Variants in MTUS2 observed in about 807,000 individuals in gnomAD.
The protein encoded by MTUS2 is microtubule associated scaffold protein 2.
A neutral mutation model predicts 114.1 loss-of-function variants in MTUS2; 40 were observed. The observed-to-expected ratio is 0.35, with a 90% CI of 0.27 to 0.46. The LOEUF is 0.46. Among genes scored for constraint, MTUS2 ranks in the 20% least tolerant of loss-of-function variants. MTUS2 has a pLI of 1.00. For synonymous variants in MTUS2, 688 were observed against 672.0 expected, an observed-to-expected ratio of 1.02 and a Z score of -0.37; for missense variants, 1,679 against 1,705.4, an observed-to-expected ratio of 0.98 and a Z score of 0.27.
rs950466161 is a variant in MTUS2 at position 28,908,871 on chromosome 13, A to G, written c.-243+69021A>G. Among the ~76,000 whole-genome samples the G allele has an allele frequency of 4.6e-5, 7 of 151,522 alleles. 1 individual carries two copies. Among genetic ancestry groups the G allele is most frequent in the Non-Finnish European group, 7.4e-5 (5 of 67,920 alleles). The stretch of plus-strand genomic sequence containing the variant: ...CATCTTGAATTAATTTTTGTATAAG[A>G]TATAAGGAAGGGACCCAGTTTCAGC... On this transcript the variant is annotated intron_variant, in intron 2 of 15. Coordinates refer to ENST00000612955, the MANE Select transcript of MTUS2 (RefSeq NM_001033602.4).
intron 2 of MTUS2, among the ~76,000 whole-genome samples, chr13:29,015,838 T>C (rs868649528): frequency 2.0e-5 from 3 of 152,170 alleles, no homozygotes; most frequent in South Asian, 2.1e-4. Flanking sequence ...ATTCCATGTG[T>C]ATAAAAACAA....
chr13:28,900,591 T>C (rs760006685), intron 2 of MTUS2, among the ~76,000 whole-genome samples: 5 of 152,218 alleles, frequency 3.3e-5, no homozygotes, highest in Non-Finnish European at 7.3e-5. Flanking sequence ...TTCTGAACAT[T>C]ATTCCAAGTT....
At chr13:29,354,897 G>A (rs1459060457) in intron 7 of MTUS2, among the ~76,000 whole-genome samples, 1 of 152,228 alleles carries the variant, frequency 6.6e-6, no homozygotes, top group Non-Finnish European at 1.5e-5. Context: ...ACTCCCTAGA[G>A]TGTCCTGCTG....
chr13:28,947,515 A>C (rs191169250), intron 2 of MTUS2, among the ~76,000 whole-genome samples: 5 of 152,196 alleles, frequency 3.3e-5, no homozygotes, highest in Non-Finnish European at 5.9e-5. Flanking sequence ...CAAAGTGTCT[A>C]CCAAAGCCAC....
chr13:28,878,403 G>T (rs141912301), intron 2 of MTUS2, among the ~76,000 whole-genome samples: 1 of 152,148 alleles, frequency 6.6e-6, no homozygotes, highest in African/African-American at 2.4e-5. Context: ...AACATGTGCC[G>T]TGGTGGTTTG....
chr13:29,060,151 C>A (rs913314061), intron 4 of MTUS2, among the ~76,000 whole-genome samples: 8 of 152,200 alleles, frequency 5.3e-5, no homozygotes, highest in African/African-American at 1.9e-4. Context: ...CTTACTGCTC[C>A]CAAGCACCAT....
intron 5 of MTUS2, among the ~76,000 whole-genome samples, chr13:29,183,253 T>TGAGAGA (rs60832110): frequency 6.8e-6 from 1 of 147,260 alleles, no homozygotes; most frequent in Non-Finnish European, 1.5e-5. Context: ...GATGTTGGGG[T>TGAGAGA]GAGAGAGAGA....
rs74530213 is a variant in MTUS2 at position 28,893,154 on chromosome 13, G to A, written c.-243+53304G>A. On this transcript the variant is annotated intron_variant, in intron 2 of 15. Coordinates refer to ENST00000612955, the MANE Select transcript of MTUS2 (RefSeq NM_001033602.4). ...TTTGGACTTTCTTCTTTAGGTAGAC[G>A]GGAGCCAGTGAGATTTTTGAGCATG... Among the ~76,000 whole-genome samples the A allele has an allele frequency of 6.5e-3, 985 of 152,262 alleles. 8 individuals carry two copies. The highest frequency in any genetic ancestry group is 0.023 in the African/African-American group (952 of 41,566).
chr13:28,857,464 C>T (rs1376172077), intron 2 of MTUS2, among the ~76,000 whole-genome samples: 1 of 152,052 alleles, frequency 6.6e-6, no homozygotes, highest in Non-Finnish European at 1.5e-5. Context: ...ATACTGCACA[C>T]GTGGAGTGGG....
intron 11 of MTUS2, among the ~76,000 whole-genome samples, chr13:29,491,619 G>A (rs1882095408): frequency 6.7e-6 from 1 of 149,736 alleles, no homozygotes; most frequent in East Asian, 2.0e-4. Flanking sequence ...CATATAGTGT[G>A]TGTATGTGAT....
intron 4 of MTUS2, among the ~76,000 whole-genome samples, chr13:29,078,008 A>G (rs1438335391): frequency 6.6e-6 from 1 of 152,224 alleles, no homozygotes; most frequent in African/African-American, 2.4e-5. Flanking sequence ...ATCTTTTAAA[A>G]GAAAAATGAT....
chr13:29,232,845 T>C (rs1408371587), intron 5 of MTUS2, among the ~76,000 whole-genome samples: 1 of 152,206 alleles, frequency 6.6e-6, no homozygotes, highest in Non-Finnish European at 1.5e-5. Context: ...AGGAGAAATG[T>C]CTGTATTAAA....
intron 5 of MTUS2, among the ~76,000 whole-genome samples, chr13:29,142,093 C>T (rs9579294): frequency 0.39 from 59,357 of 151,804 alleles, 13,715 homozygotes; most frequent in Non-Finnish European, 0.48. Flanking sequence ...ATCTCCTGAC[C>T]TCATGATCCG....
intron 1 of MTUS2, among the ~76,000 whole-genome samples, chr13:28,830,103 TAAAC>T (rs945756773): frequency 3.3e-5 from 5 of 152,160 alleles, no homozygotes; most frequent in African/African-American, 7.2e-5. Context: ...CTGCACATGA[TAAAC>T]AAAGTAGACT....
chr13:29,268,387 G>A (rs116434614), intron 5 of MTUS2, among the ~76,000 whole-genome samples: 5,093 of 152,288 alleles, frequency 0.033, 86 homozygotes, highest in South Asian at 0.049. Flanking sequence ...GGGTCAAGCC[G>A]TGTCCCTCCA....
intron 5 of MTUS2, among the ~76,000 whole-genome samples, chr13:29,216,065 A>G (rs1895668058): frequency 6.6e-6 from 1 of 152,060 alleles, no homozygotes; most frequent in African/African-American, 2.4e-5. Context: ...TTTCTTTCTG[A>G]GATGACCTGC....
At chr13:28,891,606 A>G (rs1015793695) in intron 2 of MTUS2, among the ~76,000 whole-genome samples, 49 of 152,232 alleles carry the variant, frequency 3.2e-4, no homozygotes, top group African/African-American at 1.0e-3. Context: ...CAGGCTGGGC[A>G]CGGTGGCTCA....
At chr13:29,400,575 A>G (rs1170510508) in intron 8 of MTUS2, among the ~76,000 whole-genome samples, 1 of 152,204 alleles carries the variant, frequency 6.6e-6, no homozygotes, top group Non-Finnish European at 1.5e-5. Context: ...TGTTCTGGAA[A>G]TCTGTCACAT....
At chr13:29,258,910 C>T (rs1228550218) in intron 5 of MTUS2, among the ~76,000 whole-genome samples, 1 of 152,132 alleles carries the variant, frequency 6.6e-6, no homozygotes, top group African/African-American at 2.4e-5. Context: ...AGTCAAGGAG[C>T]TTTCTCAGAA....
Sources: gnomAD v4.1 joint callset for allele counts (sites outside exome capture counted in the v4.1 genomes callset) on GRCh38, gnomAD v4.1.1 for gene constraint, MANE v1.5 for transcripts, NCBI Gene and HGNC (gene_info 2026-07-23, HGNC 2026-07-21) for gene names.